The following ZNF564 variants were observed in gnomAD, a reference collection of about 807,000 sequenced individuals.
ZNF564 encodes zinc finger protein 564.
A neutral mutation model predicts 10.5 loss-of-function variants in ZNF564; 5 were observed. The ratio of observed to expected loss-of-function variants is 0.48; its 90% CI spans 0.25 to 1.00. The LOEUF (loss-of-function observed/expected upper bound fraction) is 1.00. ZNF564 is among the 50% of genes least tolerant of loss of function. The probability of loss-of-function intolerance (pLI) is 0.16; values close to 1 mark genes in which losing one functional copy is unlikely to be tolerated. For synonymous variants in ZNF564, 242 were observed against 218.1 expected, an observed-to-expected ratio of 1.11 and a Z score of -0.97; for missense variants, 603 against 669.7, an observed-to-expected ratio of 0.90 and a Z score of 1.10.
Position 12,528,321 on chromosome 19 carries a change from ATTTTT to A in ZNF564, c.169_173del (p.Lys57SerfsTer15). On this transcript the variant is annotated frameshift_variant, in exon 3 of 4. Coordinates refer to ENST00000339282, the MANE Select transcript of ZNF564 (RefSeq NM_144976.4). LOFTEE classifies it low-confidence loss of function (END_TRUNC). ...CAAATTACCTTAAAATTCTCCCCTG[ATTTTT>A]GTACCAATCTTCAATGCTCTGGTCT... 1 of 1,610,720 alleles carries A rather than the reference ATTTTT, an allele frequency of 6.2e-7. No individual in the cohort carries two copies. Among genetic ancestry groups the A allele is most frequent in the Non-Finnish European group, 8.5e-7 (1 of 1,179,286 alleles).
intron 1 of ZNF564, among the ~76,000 whole-genome samples, chr19:12,543,540 G>A (rs2022097567): frequency 6.6e-6 from 1 of 151,422 alleles, no homozygotes; most frequent in Admixed American, 6.6e-5. Flanking sequence ...GCCAGGCATG[G>A]TGGCACACCT....
At chr19:12,548,773 C>G in intron 1 of ZNF564, 1 of 700,928 alleles carries the variant, frequency 1.4e-6, no homozygotes, top group Non-Finnish European at 2.6e-6. Context: ...TTTAATATTT[C>G]AAAGTCCCAT....
chr19:12,548,603 G>A, intron 1 of ZNF564: 1 of 534,226 alleles, frequency 1.9e-6, no homozygotes, highest in Non-Finnish European at 3.3e-6. Flanking sequence ...ACCTGCCTTG[G>A]TGCTGGGATA....
chr19:12,528,438 A>G, intron 2 of ZNF564, 74 bp from the exon 3 acceptor site: 1 of 1,573,800 alleles, frequency 6.4e-7, no homozygotes, highest in South Asian at 1.1e-5. Context: ...TAAGTTCATG[A>G]TAAGGTGCAA....
chr19:12,539,632 C>T (rs1313597691), intron 1 of ZNF564, among the ~76,000 whole-genome samples: 2 of 149,730 alleles, frequency 1.3e-5, no homozygotes, highest in Non-Finnish European at 3.0e-5. Context: ...CGTGCCACTG[C>T]ACTCCAGCCT....
Position 12,551,338 on chromosome 19 carries a change from G to A in ZNF564, c.-6C>T. ...CGGCCCCGCACACGCACCATTTCCT[G>A]GCTTCCAGGGTGTCCCGGGGTCCTG... On this transcript the variant is annotated 5_prime_UTR_variant, in exon 1 of 4. Coordinates refer to ENST00000339282, the MANE Select transcript of ZNF564 (RefSeq NM_144976.4). The A allele has an allele frequency of 2.5e-6, 4 of 1,606,764 alleles. No individual in the cohort carries two copies. Among genetic ancestry groups the A allele is most frequent in the Non-Finnish European group, 3.4e-6 (4 of 1,176,764 alleles).
Position 12,527,157 on chromosome 19 carries a change from G to A in ZNF564, c.951C>T (p.Ala317=), listed in dbSNP as rs1435028441. 2 of 1,614,066 alleles carry A rather than the reference G, an allele frequency of 1.2e-6. No individual in the cohort carries two copies. Among genetic ancestry groups the A allele is most frequent in the Admixed American group, 3.3e-5 (2 of 60,002 alleles). The part of the protein sequence containing the change: ...GPYKCKVCGR[A]FIFPSYVRKH... ...TTCGAACATAACTGGGAAAAATAAA[G>A]GCTCTCCCACATACTTTACATTTAT... The change falls in exon 4 of 4, where the codon GCC becomes GCT. Residue 317 remains alanine, a synonymous_variant. Coordinates refer to ENST00000339282, the MANE Select transcript of ZNF564 (RefSeq NM_144976.4).
rs1034541791 is a variant in ZNF564 at position 12,526,426 on chromosome 19, A to G, written c.*20T>C. On this transcript the variant is annotated 3_prime_UTR_variant, in exon 4 of 4. Coordinates refer to ENST00000339282, the MANE Select transcript of ZNF564 (RefSeq NM_144976.4). ...TTCCATATTCTTTAGATATGTAGAT[A>G]CTTGTAGACCTGTCCTCCACTATTC... is the stretch of plus-strand genomic sequence containing the variant. 6.5e-7 allele frequency: 1 copy of G among 1,540,458 alleles called. No homozygotes were observed. Among genetic ancestry groups the G allele is most frequent in the African/African-American group, 1.4e-5 (1 of 72,194 alleles).
rs1368884997 is a variant in ZNF564 at position 12,525,639 on chromosome 19, A to G, written c.*807T>C. The G allele has an allele frequency of 1.3e-5, 2 of 152,216 alleles. No individual in the cohort carries two copies. Among genetic ancestry groups the G allele is most frequent in the Non-Finnish European group, 1.5e-5 (1 of 68,036 alleles). 9.4% of individuals were successfully genotyped at this position (152,216 alleles called of 1,614,324 possible). On this transcript the variant is annotated 3_prime_UTR_variant, in exon 4 of 4. Transcript: ENST00000339282. Reference sequence around the variant, plus strand: ...GGGTATCTTCTTTGGAGAAATGTCTATTCAAGTCCTTTCCTCCATTTTAAA... The same window carrying G: ...GGGTATCTTCTTTGGAGAAATGTCTGTTCAAGTCCTTTCCTCCATTTTAAA...
In ZNF564 at chr19:12,537,669, C is replaced by T. The variant is rs193125701; in HGVS notation, c.4-8973G>A. Among the ~76,000 whole-genome samples the T allele has an allele frequency of 4.4e-3, 638 of 144,042 alleles. 3 individuals carry two copies. Among genetic ancestry groups the T allele is most frequent in the African/African-American group, 0.015 (600 of 39,036 alleles). 94.5% of individuals were successfully genotyped at this position (144,042 alleles called of 152,430 possible). A position where few individuals can be genotyped will look rare whatever the true frequency, so the allele number is the denominator to read the frequency against. ...AGGAGAATCACTTGAACCCGGGAGG[C>T]GGAGGTTGCGGTGAGCCGAGATTTC... is the stretch of plus-strand genomic sequence containing the variant. On this transcript the variant is annotated intron_variant, in intron 1 of 3. Coordinates refer to ENST00000339282, the MANE Select transcript of ZNF564 (RefSeq NM_144976.4).
chr19:12,530,209 A>G (rs2021775123), intron 1 of ZNF564: 1 of 152,208 alleles, frequency 6.6e-6, no homozygotes, highest in Admixed American at 6.5e-5. Context: ...ACGTAGACAG[A>G]TCAAGTTGGT....
intron 1 of ZNF564, among the ~76,000 whole-genome samples, chr19:12,533,760 GAA>G (rs1172904915): frequency 6.8e-5 from 5 of 73,268 alleles, no homozygotes; most frequent in South Asian, 3.9e-4. Flanking sequence ...ACAGAAAAAA[GAA>G]AAGAGTCTAC....
chr19:12,527,868 A>G lies in ZNF564; in HGVS notation c.240T>C (p.Cys80=). The change falls in exon 4 of 4, where the codon TGT becomes TGC. Residue 80 remains cysteine (C), a synonymous_variant. Transcript: ENST00000339282. ...TGAGAATCTGACTGAAGGCTTCTCCACATTGATCATATTCTTTACTTTCAC... is the reference window on the plus strand; with the variant it reads ...TGAGAATCTGACTGAAGGCTTCTCCGCATTGATCATATTCTTTACTTTCAC... The part of the protein sequence containing the change: ...GLSESKEYDQ[C]GEAFSQILNL... 6.2e-7 allele frequency: 1 copy of G among 1,613,368 alleles called. No homozygotes were observed. The highest frequency in any genetic ancestry group is 8.5e-7 in the Non-Finnish European group (1 of 1,179,558).
chr19:12,537,974 C>A (rs1439407699), intron 1 of ZNF564, among the ~76,000 whole-genome samples: 1 of 151,814 alleles, frequency 6.6e-6, no homozygotes, highest in African/African-American at 2.4e-5. Flanking sequence ...TCTTCCTGTC[C>A]AATTCTGATA....
At chr19:12,540,679 C>T (rs1348340219) in intron 1 of ZNF564, among the ~76,000 whole-genome samples, 1 of 152,078 alleles carries the variant, frequency 6.6e-6, no homozygotes, top group East Asian at 1.9e-4. Flanking sequence ...ATGATGAAAC[C>T]CCGTCTCTAC....
At chr19:12,540,917 TAGG>T (rs912397851) in intron 1 of ZNF564, among the ~76,000 whole-genome samples, 11 of 143,838 alleles carry the variant, frequency 7.6e-5, no homozygotes, top group African/African-American at 2.9e-4. Context: ...GAGGCTGAGG[TAGG>T]AGAATTGCTT....
At chr19:12,531,880 CT>C (rs1204570194) in intron 1 of ZNF564, among the ~76,000 whole-genome samples, 24 of 152,256 alleles carry the variant, frequency 1.6e-4, no homozygotes, top group Middle Eastern at 6.8e-3. Context: ...AAGACAGATG[CT>C]GTTATAGTGG....
In ZNF564 at chr19:12,526,304, C is replaced by G. The variant is rs2021678889; in HGVS notation, c.*142G>C. ...AGTCATGTATTTCCAAAATATGAGA[C>G]AGGCACAGGATAGAGATTCCTATTC... On this transcript the variant is annotated 3_prime_UTR_variant, in exon 4 of 4. Coordinates refer to ENST00000339282, the MANE Select transcript of ZNF564 (RefSeq NM_144976.4). 8 of 860,392 alleles carry G rather than the reference C, an allele frequency of 9.3e-6. No individual in the cohort carries two copies. Among genetic ancestry groups the G allele is most frequent in the Non-Finnish European group, 1.2e-5 (7 of 581,486 alleles). The allele number at this position is 860,392 out of a possible 1,614,324, so 53.3% of individuals were successfully genotyped here.
At chr19:12,549,906 C>G (rs1371679437) in intron 1 of ZNF564, among the ~76,000 whole-genome samples, 1 of 152,190 alleles carries the variant, frequency 6.6e-6, no homozygotes, top group Non-Finnish European at 1.5e-5. Flanking sequence ...GGCCACATCA[C>G]CTTGTAAAGT....
Sources: gnomAD v4.1 joint callset for allele counts (sites outside exome capture counted in the v4.1 genomes callset) on GRCh38, gnomAD v4.1.1 for gene constraint, MANE v1.5 for transcripts, NCBI Gene and HGNC (gene_info 2026-07-23, HGNC 2026-07-21) for gene names.